The following TASP1 variants were observed in gnomAD, a reference collection of about 807,000 sequenced individuals.
The protein encoded by TASP1 is taspase 1, also known as threonine aspartase 1.
A neutral mutation model predicts 56.6 loss-of-function variants in TASP1; 16 were observed. The observed-to-expected ratio is 0.28, with a 90% CI of 0.19 to 0.43. TASP1 has a LOEUF of 0.43. Ranked by LOEUF, TASP1 falls within the 20% of genes least tolerant of loss-of-function variation. The pLI is 1.00. For synonymous variants in TASP1, 179 were observed against 184.2 expected (o/e 0.97, Z 0.23); for missense variants, 393 against 511.6 (o/e 0.77, Z 2.24).
At chr20:13,349,591 GT>G in the TASP1 span, among the ~76,000 whole-genome samples, 1 of 152,148 alleles carries the variant, frequency 6.6e-6, no homozygotes, top group African/African-American at 2.4e-5. Context: ...AGCATATCCA[GT>G]TTTGTTTTAC....
At chr20:13,263,585 A>G in the TASP1 span, among the ~76,000 whole-genome samples, 1 of 152,180 alleles carries the variant, frequency 6.6e-6, no homozygotes, top group Non-Finnish European at 1.5e-5. Context: ...CACTAGTGGC[A>G]TTCTTGAACT....
intron 10 of TASP1, among the ~76,000 whole-genome samples, chr20:13,487,691 C>T (rs777923566): frequency 3.9e-5 from 6 of 152,008 alleles, no homozygotes; most frequent in Non-Finnish European, 7.4e-5. Flanking sequence ...AATTCCAACC[C>T]CCAACTTCAA....
chr20:13,261,519 T>C, the TASP1 span, among the ~76,000 whole-genome samples: 13,754 of 152,044 alleles, frequency 0.09, 699 homozygotes, highest in East Asian at 0.17. Flanking sequence ...GTGGACATTT[T>C]TGCCAACCAG....
chr20:13,575,363 G>A (rs1369165308), intron 6 of TASP1, among the ~76,000 whole-genome samples: 2 of 152,156 alleles, frequency 1.3e-5, no homozygotes, highest in African/African-American at 2.4e-5. Context: ...CATGTGTCAT[G>A]GGAGGGACCC....
Position 13,588,940 on chromosome 20 carries a change from A to T in TASP1, c.283-1570T>A, listed in dbSNP as rs531880977. Among the ~76,000 whole-genome samples the T allele has an allele frequency of 2.6e-5, 4 of 152,326 alleles. No homozygotes were observed. The South Asian group carries it at 8.3e-4, about 32-fold the overall frequency. On this transcript the variant is annotated intron_variant, in intron 4 of 13. Transcript: ENST00000337743. ...GACAGTGTAATATAGACATATAGCT[A>T]AGGATAGATATATAAATTGATATAA...
At chr20:13,135,346 T>A in the TASP1 span, among the ~76,000 whole-genome samples, 1 of 152,190 alleles carries the variant, frequency 6.6e-6, no homozygotes, top group Non-Finnish European at 1.5e-5. Context: ...ATGTGGGATC[T>A]ACTTAACTCA....
At chr20:13,329,722 A>G in the TASP1 span, among the ~76,000 whole-genome samples, 1 of 151,998 alleles carries the variant, frequency 6.6e-6, no homozygotes, top group Non-Finnish European at 1.5e-5. Flanking sequence ...CTGCAAATAG[A>G]GACAGTTTTT....
At chr20:13,568,014 T>G (rs2046594410) in intron 7 of TASP1, among the ~76,000 whole-genome samples, 1 of 152,238 alleles carries the variant, frequency 6.6e-6, no homozygotes, top group Non-Finnish European at 1.5e-5. Context: ...TTGGAAAGAC[T>G]GTAAGACATA....
the TASP1 span, among the ~76,000 whole-genome samples, chr20:13,351,894 T>C: frequency 6.6e-6 from 1 of 152,230 alleles, no homozygotes; most frequent in East Asian, 1.9e-4. Context: ...CTGTAGCCAC[T>C]AGTCTCATAT....
chr20:13,195,911 G>A, the TASP1 span, among the ~76,000 whole-genome samples: 1 of 152,098 alleles, frequency 6.6e-6, no homozygotes, highest in Non-Finnish European at 1.5e-5. Flanking sequence ...TAACTAAGGG[G>A]TCAAGCATGG....
the TASP1 span, among the ~76,000 whole-genome samples, chr20:13,293,894 A>T: frequency 2.0e-5 from 3 of 152,106 alleles, no homozygotes; most frequent in Non-Finnish European, 4.4e-5. Flanking sequence ...GAATCACTGG[A>T]ACCCAGGAGG....
At chr20:13,423,215 C>T (rs934634217) in intron 12 of TASP1, among the ~76,000 whole-genome samples, 5 of 152,088 alleles carry the variant, frequency 3.3e-5, no homozygotes, top group Admixed American at 2.6e-4. Context: ...GGATATGGAA[C>T]CAACTACACT....
At chr20:13,115,679 C>T in the TASP1 span, among the ~76,000 whole-genome samples, 2 of 152,156 alleles carry the variant, frequency 1.3e-5, no homozygotes, top group Non-Finnish European at 2.9e-5. Flanking sequence ...CAACACAGAA[C>T]ATTGTCAAGG....
intron 6 of TASP1, among the ~76,000 whole-genome samples, chr20:13,572,685 C>CAAAAAA (rs71188164): frequency 7.1e-5 from 6 of 84,038 alleles, no homozygotes; most frequent in Admixed American, 3.0e-4. Context: ...GACTCCATCT[C>CAAAAAA]AAAAAAAAAA....
the TASP1 span, chr20:13,168,918 G>A: frequency 1.3e-5 from 2 of 151,968 alleles, no homozygotes; most frequent in South Asian, 4.2e-4. Flanking sequence ...GCGGGACATT[G>A]TCTTATGGTG....
At chr20:13,155,286 G>A in the TASP1 span, among the ~76,000 whole-genome samples, 2 of 152,112 alleles carry the variant, frequency 1.3e-5, no homozygotes, top group South Asian at 2.1e-4. Context: ...AACATACTAC[G>A]CATCAGATTC....
At chr20:13,593,655 G>A (rs112952268) in intron 4 of TASP1, among the ~76,000 whole-genome samples, 18 of 152,250 alleles carry the variant, frequency 1.2e-4, no homozygotes, top group South Asian at 1.0e-3. Context: ...GGGAAGGGGC[G>A]TCCACCATTG....
At chr20:13,497,489 G>T (rs1347097686) in intron 10 of TASP1, among the ~76,000 whole-genome samples, 1 of 152,150 alleles carries the variant, frequency 6.6e-6, no homozygotes, top group Non-Finnish European at 1.5e-5. Flanking sequence ...AAGACAGAAG[G>T]CAAGAGAAAG....
chr20:13,555,769 T>C (rs73899345), intron 8 of TASP1, among the ~76,000 whole-genome samples: 1,606 of 152,316 alleles, frequency 0.011, 33 homozygotes, highest in African/African-American at 0.036. Flanking sequence ...CAGAAGGTTT[T>C]CAATTCACCT....
Sources: gnomAD v4.1 joint callset for allele counts (sites outside exome capture counted in the v4.1 genomes callset) on GRCh38, gnomAD v4.1.1 for gene constraint, MANE v1.5 for transcripts, NCBI Gene and HGNC (gene_info 2026-07-23, HGNC 2026-07-21) for gene names.